Variants in AGAP1 observed in about 807,000 individuals in gnomAD.
AGAP1 encodes the protein ArfGAP with GTPase domain, ankyrin repeat and PH domain 1, also known as arf-GAP with GTPase, ANK repeat and PH domain-containing protein 1.
Under a neutral mutation model 105.3 loss-of-function variants are expected in AGAP1, and 29 were observed. That is an observed-to-expected ratio of 0.28 (90% CI 0.21 to 0.38). The LOEUF is 0.38. Ranked by LOEUF, AGAP1 falls within the 10% of genes least tolerant of loss-of-function variation. AGAP1 has a pLI of 1.00. For synonymous variants in AGAP1, 509 were observed against 485.9 expected (o/e 1.05, Z -0.63); for missense variants, 998 against 1,165.1 (o/e 0.86, Z 2.09).
chr2:235,764,516 T>C (rs1390395473), intron 6 of AGAP1, among the ~76,000 whole-genome samples: 1 of 152,226 alleles, frequency 6.6e-6, no homozygotes, highest in Non-Finnish European at 1.5e-5. Context: ...GTTTGAAATA[T>C]CAGGATTTCA....
rs937370643 is a variant in AGAP1 at position 235,663,431 on chromosome 2, C to T, written c.164-45748C>T. ...TTTCTACATTTAGAGGAAAAATATA[C>T]ATCAAATATTCAAGTCCCCTGGGCA... On this transcript the variant is annotated intron_variant, in intron 1 of 17. Coordinates refer to ENST00000304032, the MANE Select transcript of AGAP1 (RefSeq NM_001037131.3). This position sits in a 1 kb window ranked among gnomAD's most constrained non-coding sequence, Gnocchi z 5.4. Among the ~76,000 whole-genome samples the T allele has an allele frequency of 2.6e-5, 4 of 152,126 alleles. No homozygotes were observed. Among genetic ancestry groups the T allele is most frequent in the Non-Finnish European group, 5.9e-5 (4 of 68,026 alleles).
At chr2:235,598,400 T>C (rs1364356239) in intron 1 of AGAP1, among the ~76,000 whole-genome samples, 1 of 152,214 alleles carries the variant, frequency 6.6e-6, no homozygotes, top group African/African-American at 2.4e-5. Flanking sequence ...TTGGTCTTTA[T>C]TTAGAAGTTT....
At chr2:235,819,117 CTTTTTTTTTT>C (rs1235692784) in intron 9 of AGAP1, among the ~76,000 whole-genome samples, 2 of 74,056 alleles carry the variant, frequency 2.7e-5, no homozygotes, top group South Asian at 3.0e-4. Context: ...CTTTTCTTTT[CTTTTTTTTTT>C]TTTTGGAGAC....
In AGAP1 at chr2:235,900,897, T is replaced by A. The variant is rs955529388; in HGVS notation, c.1156-7841T>A. 1.3e-5 allele frequency among the ~76,000 whole-genome samples: 2 copies of A among 152,240 alleles called. No individual in the cohort carries two copies. The highest frequency in any genetic ancestry group is 4.8e-5 in the African/African-American group (2 of 41,456). On this transcript the variant is annotated intron_variant, in intron 10 of 17. Coordinates refer to ENST00000304032, the MANE Select transcript of AGAP1 (RefSeq NM_001037131.3). This position sits in a 1 kb window ranked among gnomAD's most constrained non-coding sequence, Gnocchi z 5.5. ...CAGTTCTGAAAGTGAAACACTGGAA[T>A]GCTTTTGGCTGTCTTGGGAAACAAA...
rs1018420110 is a variant in AGAP1 at position 235,992,420 on chromosome 2, C to T, written c.1645+23797C>T. On this transcript the variant is annotated intron_variant, in intron 13 of 17. Transcript: ENST00000304032. The surrounding 1 kb of genome is among the most constrained non-coding windows in gnomAD (Gnocchi z 4.8). ...GAACTCCTGTGCTTTGAGTGTCTGG[C>T]GTTCAGTGGCAGGGGACCCTCCATG... Among the ~76,000 whole-genome samples the T allele has an allele frequency of 2.6e-5, 4 of 152,260 alleles. No homozygotes were observed. The highest frequency in any genetic ancestry group is 2.1e-4 in the South Asian group (1 of 4,822).
chr2:235,707,547 C>T lies in AGAP1; in HGVS notation c.164-1632C>T, dbSNP rs187693836. Among the ~76,000 whole-genome samples the T allele has an allele frequency of 1.9e-3, 261 of 140,448 alleles. 8 individuals are homozygous for T. In the East Asian group the frequency reaches 0.049, roughly 26 times the overall value. 92.1% of individuals were successfully genotyped at this position (140,448 alleles called of 152,430 possible). A position where few individuals can be genotyped will look rare whatever the true frequency, so the allele number is the denominator to read the frequency against. On this transcript the variant is annotated intron_variant, in intron 1 of 17. Coordinates refer to ENST00000304032, the MANE Select transcript of AGAP1 (RefSeq NM_001037131.3). ...TGTGACCTGGTGGGTTGTGCTCCCC[C>T]GGCGTGTGACCTGGTGGGACGTGCT...
At chr2:235,913,861 T>A (rs968064440) in intron 11 of AGAP1, among the ~76,000 whole-genome samples, 1 of 152,224 alleles carries the variant, frequency 6.6e-6, no homozygotes, top group African/African-American at 2.4e-5. Context: ...TTTTAAGCTA[T>A]GAATTGTGGA....
intron 1 of AGAP1, among the ~76,000 whole-genome samples, chr2:235,697,263 C>A (rs1315069027): frequency 6.6e-6 from 1 of 152,222 alleles, no homozygotes; most frequent in Non-Finnish European, 1.5e-5. Context: ...CGCAGAAAAG[C>A]TGCCCAGGCG....
At position 236,080,185 on chromosome 2, in the gene AGAP1, A is replaced by G. The variant is rs1309676910; in HGVS notation, c.2114+30904A>G. 1.3e-5 allele frequency among the ~76,000 whole-genome samples: 2 copies of G among 152,310 alleles called. No individual in the cohort carries two copies. The highest frequency in any genetic ancestry group is 2.9e-5 in the Non-Finnish European group (2 of 68,012). On this transcript the variant is annotated intron_variant, in intron 16 of 17. Transcript: ENST00000304032. This position sits in a 1 kb window ranked among gnomAD's most constrained non-coding sequence, Gnocchi z 4.2. Reference sequence around the variant, plus strand: ...TGCTCTGGAGGGAGATGCTATCTCCATCATCCAAGGCTGTTTCCTGTGCAT... The same window carrying G: ...TGCTCTGGAGGGAGATGCTATCTCCGTCATCCAAGGCTGTTTCCTGTGCAT...
chr2:235,999,851 G>C (rs1157812727), intron 13 of AGAP1, among the ~76,000 whole-genome samples: 1 of 152,050 alleles, frequency 6.6e-6, no homozygotes, highest in South Asian at 2.1e-4. Flanking sequence ...GTCAAGCGGG[G>C]CAGTGTTCTG....
chr2:235,523,035 G>T (rs146966007), intron 1 of AGAP1, among the ~76,000 whole-genome samples: 320 of 152,258 alleles, frequency 2.1e-3, no homozygotes, highest in African/African-American at 7.3e-3. Flanking sequence ...TGGCGGTTGG[G>T]AGTCCAAGAT....
chr2:235,975,678 A>G (rs2054830832), intron 13 of AGAP1, among the ~76,000 whole-genome samples: 1 of 152,078 alleles, frequency 6.6e-6, no homozygotes, highest in East Asian at 1.9e-4. Flanking sequence ...TTCACATTGA[A>G]TTCTGTGTTA....
At position 235,535,576 on chromosome 2, in the gene AGAP1, G is replaced by A. The variant is rs1206442093; in HGVS notation, c.163+40727G>A. Among the ~76,000 whole-genome samples the A allele has an allele frequency of 4.0e-5, 6 of 151,842 alleles. No individual in the cohort carries two copies. Among genetic ancestry groups the A allele is most frequent in the Non-Finnish European group, 7.4e-5 (5 of 67,946 alleles). On this transcript the variant is annotated intron_variant, in intron 1 of 17. Coordinates refer to ENST00000304032, the MANE Select transcript of AGAP1 (RefSeq NM_001037131.3). The surrounding 1 kb of genome is among the most constrained non-coding windows in gnomAD (Gnocchi z 5.1). ...TTCTGCGCGGCAGGTAGCAAGGAAC[G>A]GTGGCGGGGCCAAAGGTTTCCTCAA...
In AGAP1 at chr2:235,701,028, T is replaced by C. The variant is rs559542241; in HGVS notation, c.164-8151T>C. Among the ~76,000 whole-genome samples the C allele has an allele frequency of 6.2e-4, 78 of 124,900 alleles. 1 individual carries two copies. Among genetic ancestry groups the C allele is most frequent in the African/African-American group, 2.6e-3 (57 of 22,022 alleles). 81.9% of individuals were successfully genotyped at this position (124,900 alleles called of 152,430 possible). ...TATAGTTATATGTATATATTATATATGCTATAATATAGTTATATGTATATA... is the reference window on the plus strand; with the variant it reads ...TATAGTTATATGTATATATTATATACGCTATAATATAGTTATATGTATATA... On this transcript the variant is annotated intron_variant, in intron 1 of 17. Transcript: ENST00000304032. This position sits in a 1 kb window ranked among gnomAD's most constrained non-coding sequence, Gnocchi z 4.1.
chr2:235,842,840 GC>G lies in AGAP1; in HGVS notation c.1050+35511del, dbSNP rs1961022903. On this transcript the variant is annotated intron_variant, in intron 9 of 17. Coordinates refer to ENST00000304032, the MANE Select transcript of AGAP1 (RefSeq NM_001037131.3). The surrounding 1 kb of genome is among the most constrained non-coding windows in gnomAD (Gnocchi z 5.3). ...CCTCCCAGGTTCAAGTGATTCTTCT[GC>G]CTCAGCCTCCCGACTAGCTGGGATT... Among the ~76,000 whole-genome samples, 1 of 149,738 alleles carries G rather than the reference GC, an allele frequency of 6.7e-6. No individual in the cohort carries two copies. Among genetic ancestry groups the G allele is most frequent in the Non-Finnish European group, 1.5e-5 (1 of 66,894 alleles).
chr2:235,877,900 G>A lies in AGAP1; in HGVS notation c.1051-5445G>A, dbSNP rs750644529. Among the ~76,000 whole-genome samples, 23 of 152,244 alleles carry A rather than the reference G, an allele frequency of 1.5e-4. No individual in the cohort carries two copies. The highest frequency in any genetic ancestry group is 6.2e-4 in the South Asian group (3 of 4,826). The stretch of plus-strand genomic sequence containing the variant: ...TTTTGCCAACTTAAAATTTGTCCTC[G>A]CCAGGGGAATCTTTCCTAATGCAAA... On this transcript the variant is annotated intron_variant, in intron 9 of 17. Coordinates refer to ENST00000304032, the MANE Select transcript of AGAP1 (RefSeq NM_001037131.3). The surrounding 1 kb of genome is among the most constrained non-coding windows in gnomAD (Gnocchi z 4.3).
At chr2:235,530,383 G>A (rs191733429) in intron 1 of AGAP1, among the ~76,000 whole-genome samples, 2 of 152,272 alleles carry the variant, frequency 1.3e-5, no homozygotes, top group East Asian at 1.9e-4. Context: ...CCCTGTGTCC[G>A]TTTCCCATTG....
At chr2:235,881,847 G>T (rs368408519) in intron 9 of AGAP1, among the ~76,000 whole-genome samples, 4 of 152,300 alleles carry the variant, frequency 2.6e-5, no homozygotes, top group South Asian at 2.1e-4. Flanking sequence ...GGTTTTCAAG[G>T]AGGCTTAATA....
At chr2:235,683,596 TAGAA>T (rs1226657672) in intron 1 of AGAP1, among the ~76,000 whole-genome samples, 1 of 151,760 alleles carries the variant, frequency 6.6e-6, no homozygotes, top group East Asian at 1.9e-4. Flanking sequence ...AATAACTTGT[TAGAA>T]AGGTGAAGAA....
Sources: allele counts gnomAD v4.1 joint callset (sites outside exome capture counted in the v4.1 genomes callset), GRCh38; gene constraint gnomAD v4.1.1; non-coding constraint Gnocchi (gnomAD v3.1); transcripts MANE v1.5; gene names NCBI Gene and HGNC (gene_info 2026-07-23, HGNC 2026-07-21).